Variants in PTPN5 observed in about 807,000 individuals in gnomAD.
The protein encoded by PTPN5 is protein tyrosine phosphatase non-receptor type 5.
A neutral mutation model predicts 73.9 loss-of-function variants in PTPN5; 29 were observed. The ratio of observed to expected loss-of-function variants is 0.39; its 90% CI spans 0.29 to 0.54. The LOEUF is 0.54. Ranked by LOEUF, PTPN5 falls within the 20% of genes least tolerant of loss-of-function variation. The pLI, the probability that PTPN5 is intolerant of heterozygous loss-of-function variation, is 0.65. For missense variants in PTPN5, 652 were observed against 751.4 expected (o/e 0.87, Z 1.55); for synonymous variants, 267 against 304.7 (o/e 0.88, Z 1.29).
intron 3 of PTPN5, among the ~76,000 whole-genome samples, chr11:18,757,227 GA>G (rs1850197641): frequency 6.6e-6 from 1 of 152,230 alleles, no homozygotes; most frequent in South Asian, 2.1e-4. Context: ...TAACTACCAT[GA>G]AAAAAATTGC....
chr11:18,741,696 T>C (rs1849372706), intron 7 of PTPN5, among the ~76,000 whole-genome samples: 1 of 151,956 alleles, frequency 6.6e-6, no homozygotes, highest in Non-Finnish European at 1.5e-5. Context: ...ATGGCAACAA[T>C]AGAAACTGGG....
At chr11:18,739,960 C>T (rs1849290891) in intron 8 of PTPN5, among the ~76,000 whole-genome samples, 1 of 152,198 alleles carries the variant, frequency 6.6e-6, no homozygotes, top group Non-Finnish European at 1.5e-5. Context: ...TCGGGAGGCT[C>T]ACTCTTGCTG....
chr11:18,765,731 T>C, intron 3 of PTPN5, 76 bp downstream of exon 3: 2 of 1,010,214 alleles, frequency 2.0e-6, no homozygotes, highest in Non-Finnish European at 3.1e-6. Context: ...TAGGCTTTAC[T>C]CCAGCCCCAG....
chr11:18,737,842 G>A lies in PTPN5; in HGVS notation c.1000+38C>T, dbSNP rs539858771. The A allele has an allele frequency of 2.2e-4, 343 of 1,570,934 alleles. 5 individuals carry two copies. The South Asian group carries it at 3.4e-3, about 15-fold the overall frequency. ...GGTGAGGGGATCCCCAGGTGAAGCTGAGCCTGCCCCCATCCCTCTGGGACA... is the reference window on the plus strand; with the variant it reads ...GGTGAGGGGATCCCCAGGTGAAGCTAAGCCTGCCCCCATCCCTCTGGGACA... On this transcript the variant is annotated intron_variant, in intron 9 of 14. Transcript: ENST00000358540.
At chr11:18,791,991 C>T (rs968490394), upstream of PTPN5, 2 of 152,274 alleles carry the variant, frequency 1.3e-5, no homozygotes, top group African/African-American at 4.8e-5. Flanking sequence ...AGGTGCCTCC[C>T]TCTCCCGAGC....
At position 18,742,235 on chromosome 11, in the gene PTPN5, A is replaced by G; in HGVS notation, c.725+27T>C. On this transcript the variant is annotated intron_variant, in intron 7 of 14. Transcript: ENST00000358540. The surrounding 1 kb of genome is among the most constrained non-coding windows in gnomAD (Gnocchi z 4.1). ...GAGCTAAGAGCTCAAGGGCCCGTGG[A>G]GCCCACCCCTCCTCCACCCCTCCCA... 1 of 1,612,720 alleles carries G rather than the reference A, an allele frequency of 6.2e-7. No individual in the cohort carries two copies. Among genetic ancestry groups the G allele is most frequent in the Non-Finnish European group, 8.5e-7 (1 of 1,178,986 alleles).
At chr11:18,750,543 A>C (rs1849841069) in intron 3 of PTPN5, among the ~76,000 whole-genome samples, 1 of 152,142 alleles carries the variant, frequency 6.6e-6, no homozygotes, top group African/African-American at 2.4e-5. Flanking sequence ...GTAGACACTG[A>C]CTTCTTGTTC....
chr11:18,729,911 A>G lies in PTPN5; in HGVS notation c.1330-93T>C, dbSNP rs1269813852. 1.3e-6 allele frequency: 2 copies of G among 1,523,854 alleles called. No homozygotes were observed. The highest frequency in any genetic ancestry group is 2.7e-5 in the African/African-American group (2 of 73,110). The allele number at this position is 1,523,854 out of a possible 1,614,324, so 94.4% of individuals were successfully genotyped here. ...ATAGAGATGAGATGGAAGGAGGAAG[A>G]ACACAGGAAGAACACTGAGAGTGGG... is the stretch of plus-strand genomic sequence containing the variant. On this transcript the variant is annotated intron_variant, in intron 12 of 14. Transcript: ENST00000358540. This position sits in a 1 kb window ranked among gnomAD's most constrained non-coding sequence, Gnocchi z 5.2.
intron 3 of PTPN5, among the ~76,000 whole-genome samples, chr11:18,745,930 T>G (rs1849597568): frequency 1.3e-5 from 2 of 151,782 alleles, no homozygotes; most frequent in African/African-American, 4.8e-5. Context: ...TGTAAAATAA[T>G]TTTTGAATAT....
chr11:18,740,670 C>T lies in PTPN5; in HGVS notation c.848G>A (p.Arg283His), dbSNP rs143710986. 6.7e-4 allele frequency: 1,069 copies of T among 1,605,334 alleles called. 6 individuals carry two copies. Among genetic ancestry groups the T allele is most frequent in the South Asian group, 3.0e-3 (272 of 89,800 alleles). Reference protein sequence around the residue: ...SAREYLLSASRVLQAEELHEK... With the variant: ...SAREYLLSASHVLQAEELHEK... ...ATGAAGCTCTTCTGCTTGGAGGACA[C>T]GGGAGGCGCTGAGCAGGTACTCGCG... The change falls in exon 8 of 15, where the codon CGT becomes CAT. Residue 283 changes from arginine (R) to histidine (H), a missense_variant. This residue lies in a region of PTPN5 where 529 missense variants were observed against 573.9 expected (regional missense o/e 0.92). Transcript: ENST00000358540.
At chr11:18,763,193 G>A (rs1284386896) in intron 3 of PTPN5, among the ~76,000 whole-genome samples, 2 of 152,182 alleles carry the variant, frequency 1.3e-5, no homozygotes. Context: ...CCCAGAGGAA[G>A]GACACAGATA....
At chr11:18,766,703 G>T (rs1428042657) in intron 2 of PTPN5, among the ~76,000 whole-genome samples, 1 of 152,132 alleles carries the variant, frequency 6.6e-6, no homozygotes, top group African/African-American at 2.4e-5. Context: ...GACATATCTT[G>T]AGGGCAACCA....
At position 18,733,846 on chromosome 11, in the gene PTPN5, C is replaced by T. The variant is rs879537553; in HGVS notation, c.1001-211G>A. Among the ~76,000 whole-genome samples the T allele has an allele frequency of 2.6e-5, 4 of 152,150 alleles. No homozygotes were observed. The highest frequency in any genetic ancestry group is 4.8e-5 in the African/African-American group (2 of 41,426). On this transcript the variant is annotated intron_variant, in intron 9 of 14. Transcript: ENST00000358540. This position sits in a 1 kb window ranked among gnomAD's most constrained non-coding sequence, Gnocchi z 4.3. ...GAGGGTGGAGAGAGAGGGGGGTCCC[C>T]GGGTCTCTACCTCTGTCTCTATCCT... is the stretch of plus-strand genomic sequence containing the variant.
chr11:18,733,324 C>G lies in PTPN5; in HGVS notation c.1129G>C (p.Val377Leu). Residue 377 changes from valine (V) to leucine (L), a missense_variant, in exon 11 of 15, where the codon GTC becomes CTC. Transcript: ENST00000358540. This position sits in a 1 kb window ranked among gnomAD's most constrained non-coding sequence, Gnocchi z 4.3. The stretch of plus-strand genomic sequence containing the variant: ...CGCCAGAAGTCGGCGACCGTGCTGA[C>G]GATGGGTCCCTGAGTGGCGATGTAC... ...KVYIATQGPI[V>L]STVADFWRMV... 6.2e-7 allele frequency: 1 copy of G among 1,614,136 alleles called. No homozygotes were observed. The highest frequency in any genetic ancestry group is 8.5e-7 in the Non-Finnish European group (1 of 1,180,016).
intron 1 of PTPN5, among the ~76,000 whole-genome samples, chr11:18,782,977 C>T (rs7131023): frequency 0.3 from 46,009 of 152,130 alleles, 7,208 homozygotes; most frequent in African/African-American, 0.35. Flanking sequence ...CACATCTGTA[C>T]TTTGGTAAGA....
chr11:18,746,669 T>C (rs1849657972), intron 3 of PTPN5, among the ~76,000 whole-genome samples: 1 of 152,186 alleles, frequency 6.6e-6, no homozygotes, highest in Non-Finnish European at 1.5e-5. Context: ...TACAGTGCAT[T>C]AAGCAATAAA....
At chr11:18,762,013 G>A (rs1292674909) in intron 3 of PTPN5, among the ~76,000 whole-genome samples, 3 of 152,214 alleles carry the variant, frequency 2.0e-5, no homozygotes, top group African/African-American at 4.8e-5. Context: ...ACAAACACGA[G>A]TGTGCGAGAG....
chr11:18,757,016 A>G (rs201834549), intron 3 of PTPN5, among the ~76,000 whole-genome samples: 1 of 152,124 alleles, frequency 6.6e-6, no homozygotes, highest in East Asian at 1.9e-4. Context: ...CATCATTTTC[A>G]TATGTGTGTG....
At chr11:18,746,162 A>AATATAT (rs773490900) in intron 3 of PTPN5, among the ~76,000 whole-genome samples, 3,151 of 67,514 alleles carry the variant, frequency 0.047, 136 homozygotes, top group East Asian at 0.066. Context: ...TATAAATATA[A>AATATAT]ATATATATAT....
Sources: gnomAD v4.1 joint callset for allele counts (sites outside exome capture counted in the v4.1 genomes callset) on GRCh38, gnomAD v4.1.1 for gene constraint, gnomAD v4.1.1 regional missense constraint, Gnocchi (gnomAD v3.1) non-coding constraint, MANE v1.5 for transcripts, NCBI Gene and HGNC (gene_info 2026-07-23, HGNC 2026-07-21) for gene names.